Variants in ADGRB3 observed in about 807,000 individuals in gnomAD.
ADGRB3 encodes the protein adhesion G protein-coupled receptor B3.
A neutral mutation model predicts 193.4 loss-of-function variants in ADGRB3; 37 were observed. The ratio of observed to expected loss-of-function variants is 0.19; its 90% CI spans 0.15 to 0.25. The LOEUF (loss-of-function observed/expected upper bound fraction) is 0.25, where lower values mean the gene tolerates loss of function less well. Among genes scored for constraint, ADGRB3 ranks in the 10% least tolerant of loss-of-function variants. ADGRB3 has a pLI of 1.00. For synonymous variants in ADGRB3, 690 were observed against 644.2 expected (o/e 1.07, Z -1.08); for missense variants, 1,637 against 1,852.9 (o/e 0.88, Z 2.14).
chr6:69,326,185 G>A (rs1329757840), intron 21 of ADGRB3, among the ~76,000 whole-genome samples: 1 of 152,176 alleles, frequency 6.6e-6, no homozygotes, highest in Non-Finnish European at 1.5e-5. Flanking sequence ...GGAGGTTGCA[G>A]TGAGCCAAGA....
chr6:69,013,991 T>C, intron 11 of ADGRB3, 47 bp from the exon 12 acceptor site: 1 of 1,330,152 alleles, frequency 7.5e-7, no homozygotes, highest in South Asian at 1.3e-5. Context: ...TTAAAAAGTA[T>C]AATTCTCTCA....
chr6:68,847,429 G>C (rs992991297), intron 3 of ADGRB3, among the ~76,000 whole-genome samples: 1 of 152,172 alleles, frequency 6.6e-6, no homozygotes, highest in Non-Finnish European at 1.5e-5. Context: ...ATCTTGAATT[G>C]TATCTCCCAG....
At chr6:68,679,560 A>T (rs189359104) in intron 3 of ADGRB3, among the ~76,000 whole-genome samples, 83 of 152,180 alleles carry the variant, frequency 5.5e-4, no homozygotes, top group African/African-American at 1.8e-3. Flanking sequence ...AAAAAAATAC[A>T]TGAAAGGAGA....
chr6:68,789,641 T>A (rs532252045), intron 3 of ADGRB3, among the ~76,000 whole-genome samples: 55 of 152,344 alleles, frequency 3.6e-4, no homozygotes, highest in African/African-American at 1.2e-3. Flanking sequence ...TTTGAGTTGC[T>A]CTTCTCGATG....
intron 17 of ADGRB3, among the ~76,000 whole-genome samples, chr6:69,116,683 C>T (rs1282653747): frequency 2.0e-5 from 3 of 152,208 alleles, no homozygotes; most frequent in Non-Finnish European, 4.4e-5. Flanking sequence ...TTAACAACAG[C>T]TTTGCCTTCT....
chr6:68,645,694 C>A (rs892746367), intron 3 of ADGRB3, among the ~76,000 whole-genome samples: 1 of 152,018 alleles, frequency 6.6e-6, no homozygotes, highest in Admixed American at 6.6e-5. Flanking sequence ...TTTTTTGAGA[C>A]GGAGTTGCAT....
At chr6:69,029,719 A>G (rs1740019253) in intron 13 of ADGRB3, among the ~76,000 whole-genome samples, 1 of 152,138 alleles carries the variant, frequency 6.6e-6, no homozygotes, top group Non-Finnish European at 1.5e-5. Flanking sequence ...TGAGTAGTAT[A>G]TCTTTCTATA....
chr6:68,849,582 T>A (rs1768355444), intron 3 of ADGRB3, among the ~76,000 whole-genome samples: 1 of 151,922 alleles, frequency 6.6e-6, no homozygotes, highest in African/African-American at 2.4e-5. Flanking sequence ...TGCATATCCT[T>A]AAAGAATACA....
In ADGRB3 at chr6:68,772,938, C is replaced by CAT. The variant is rs1562023501; in HGVS notation, c.757+133507_757+133508insTA. On this transcript the variant is annotated intron_variant, in intron 3 of 31. Transcript: ENST00000370598. ...ATATATATATATATATATATACATACACACACAAAAATAAAAAATAAAAAT... is the reference window on the plus strand; with the variant it reads ...ATATATATATATATATATATACATACATACACACAAAAATAAAAAATAAAAAT... 4.6e-3 allele frequency among the ~76,000 whole-genome samples: 130 copies of CAT among 28,510 alleles called. 4 individuals are homozygous for CAT. Among genetic ancestry groups the CAT allele is most frequent in the African/African-American group, 0.025 (126 of 5,040 alleles). 18.7% of individuals were successfully genotyped at this position (28,510 alleles called of 152,430 possible). A position where few individuals can be genotyped will look rare whatever the true frequency, so the allele number is the denominator to read the frequency against.
At chr6:68,759,068 G>A (rs1044060422) in intron 3 of ADGRB3, among the ~76,000 whole-genome samples, 4 of 152,040 alleles carry the variant, frequency 2.6e-5, no homozygotes, top group Non-Finnish European at 4.4e-5. Flanking sequence ...TCACCTCATC[G>A]GAAGAGGCTA....
At chr6:69,012,549 G>GA (rs1487518234) in intron 11 of ADGRB3, among the ~76,000 whole-genome samples, 2 of 151,834 alleles carry the variant, frequency 1.3e-5, no homozygotes, top group Non-Finnish European at 2.9e-5. Flanking sequence ...ATTTTAAGTG[G>GA]AAAAAAATGG....
At chr6:68,973,481 G>A (rs577895832) in intron 8 of ADGRB3, among the ~76,000 whole-genome samples, 1 of 152,226 alleles carries the variant, frequency 6.6e-6, no homozygotes, top group Non-Finnish European at 1.5e-5. Flanking sequence ...TTCTGAAATG[G>A]AATTGGTATC....
intron 17 of ADGRB3, among the ~76,000 whole-genome samples, chr6:69,208,698 G>T (rs1023009131): frequency 6.6e-6 from 1 of 152,184 alleles, no homozygotes; most frequent in Non-Finnish European, 1.5e-5. Context: ...GCAGGCGAGG[G>T]GAGAGAAGGC....
intron 20 of ADGRB3, among the ~76,000 whole-genome samples, chr6:69,305,794 C>A (rs1768055991): frequency 6.6e-6 from 1 of 151,298 alleles, no homozygotes; most frequent in Non-Finnish European, 1.5e-5. Flanking sequence ...ATTCTATTAT[C>A]ATTGATTCTA....
At chr6:69,033,151 A>G (rs1049353206) in intron 13 of ADGRB3, among the ~76,000 whole-genome samples, 1 of 152,192 alleles carries the variant, frequency 6.6e-6, no homozygotes, top group African/African-American at 2.4e-5. Flanking sequence ...TGACCAATCT[A>G]GAAAACAATA....
intron 3 of ADGRB3, among the ~76,000 whole-genome samples, chr6:68,647,433 C>T (rs1476234821): frequency 1.3e-5 from 2 of 151,822 alleles, no homozygotes; most frequent in Admixed American, 6.6e-5. Context: ...TGTTTTTATT[C>T]TTATTTTTGG....
At chr6:69,071,927 G>C (rs142456701) in intron 16 of ADGRB3, among the ~76,000 whole-genome samples, 1 of 152,148 alleles carries the variant, frequency 6.6e-6, no homozygotes, top group East Asian at 1.9e-4. Flanking sequence ...CTTCATAACA[G>C]ATCTTGTAGC....
chr6:69,388,834 G>T lies in ADGRB3; in HGVS notation c.4512G>T (p.Glu1504Asp), dbSNP rs556979556. The T allele has an allele frequency of 1.9e-5, 31 of 1,613,458 alleles. No homozygotes were observed. In the African/African-American group the frequency reaches 3.6e-4, roughly 19 times the overall value. Residue 1504 changes from glutamate to aspartate, a missense_variant, in exon 32 of 32, where the codon GAG becomes GAT. By Grantham distance (45) the Glu-to-Asp change is conservative. Around this residue, in one of 7 missense-constraint regions of ADGRB3, gnomAD observed 368 missense variants for 367.4 expected, o/e 1.00. Transcript: ENST00000370598. Reference sequence around the variant, plus strand: ...TGGAACTGAGGCCAGCAGAGTGGGAGAAGTGTCTGAATTTGCCTCTGGATG... The same window carrying T: ...TGGAACTGAGGCCAGCAGAGTGGGATAAGTGTCTGAATTTGCCTCTGGATG... ...DALELRPAEWEKCLNLPLDVQ... is the reference protein window; with the variant it reads ...DALELRPAEWDKCLNLPLDVQ...
rs778446616 is a variant in ADGRB3, at chr6:68,943,942, G to A, written c.1143G>A (p.Pro381=). 13 of 1,613,578 alleles carry A rather than the reference G, an allele frequency of 8.1e-6. No individual in the cohort carries two copies. The highest frequency in any genetic ancestry group is 3.3e-5 in the South Asian group (3 of 91,012). Residue 381 remains proline, a synonymous_variant, in exon 6 of 32, where the codon CCG becomes CCA. Transcript: ENST00000370598. The part of the protein sequence containing the change: ...SCTPPQYGGR[P]CEGPETHHKP... ...CACCTCCTCAGTATGGAGGAAGGCC[G>A]TGTGAAGGACCTGAAACACATCATA...
Sources: allele counts gnomAD v4.1 joint callset (sites outside exome capture counted in the v4.1 genomes callset), GRCh38; gene constraint gnomAD v4.1.1; regional missense constraint gnomAD v4.1.1; transcripts MANE v1.5; gene names NCBI Gene and HGNC (gene_info 2026-07-23, HGNC 2026-07-21).